Variants in EYS observed in about 807,000 individuals in gnomAD.
The protein encoded by EYS is protein eyes shut homolog.
EYS carries 250 observed loss-of-function variants against 282.1 expected under a neutral mutation model. The ratio of observed to expected loss-of-function variants is 0.89; its 90% CI spans 0.80 to 0.98. The LOEUF (loss-of-function observed/expected upper bound fraction) is 0.98, where lower values mean the gene tolerates loss of function less well. EYS is among the 50% of genes least tolerant of loss of function. The pLI is 0.00. For synonymous variants in EYS, 1,355 were observed against 1,282.9 expected, an observed-to-expected ratio of 1.06 and a Z score of -1.20; for missense variants, 4,016 against 3,709.0, an observed-to-expected ratio of 1.08 and a Z score of -2.15.
chr6:63,878,968 T>C (rs909991492), intron 35 of EYS, among the ~76,000 whole-genome samples: 1 of 152,138 alleles, frequency 6.6e-6, no homozygotes, highest in Non-Finnish European at 1.5e-5. Context: ...CTGTACCCAG[T>C]GTGCAACAAG....
At chr6:64,983,741 T>C (rs558222872) in intron 14 of EYS, among the ~76,000 whole-genome samples, 5 of 151,336 alleles carry the variant, frequency 3.3e-5, no homozygotes, top group Non-Finnish European at 5.9e-5. Flanking sequence ...ATTTTTTTTT[T>C]CTGCTAAGTT....
At chr6:65,214,158 C>CAAAAAAAAAAAAAAAAAAA (rs58213904) in intron 12 of EYS, among the ~76,000 whole-genome samples, 1 of 29,242 alleles carries the variant, frequency 3.4e-5, no homozygotes, top group Non-Finnish European at 5.5e-5. Flanking sequence ...GACTCCGTCT[C>CAAAAAAAAAAAAAAAAAAA]AAAAAAAAAA....
At chr6:64,414,958 C>G (rs1048989779) in intron 28 of EYS, among the ~76,000 whole-genome samples, 5 of 152,026 alleles carry the variant, frequency 3.3e-5, no homozygotes, top group Admixed American at 6.6e-5. Flanking sequence ...AGGTAATTAC[C>G]TTTGAAATAA....
intron 26 of EYS, among the ~76,000 whole-genome samples, chr6:64,549,029 A>C (rs1036230758): frequency 6.6e-6 from 1 of 152,300 alleles, no homozygotes; most frequent in African/African-American, 2.4e-5. Flanking sequence ...TGATTTGAGA[A>C]GCACTCAAAT....
At chr6:65,338,035 A>G (rs1250637088) in intron 10 of EYS, among the ~76,000 whole-genome samples, 2 of 151,200 alleles carry the variant, frequency 1.3e-5, no homozygotes, top group African/African-American at 4.8e-5. Flanking sequence ...CTATACCTCA[A>G]AAACCACATA....
intron 13 of EYS, among the ~76,000 whole-genome samples, chr6:65,008,754 C>T (rs6455022): frequency 0.26 from 39,617 of 152,062 alleles, 6,368 homozygotes; most frequent in African/African-American, 0.44. Context: ...CTGGGGCAAG[C>T]GCCAGCCCAT....
At chr6:65,280,938 A>G (rs1434301595) in intron 12 of EYS, among the ~76,000 whole-genome samples, 2 of 148,422 alleles carry the variant, frequency 1.3e-5, no homozygotes, top group Non-Finnish European at 3.0e-5. Flanking sequence ...TGGGAAGCTG[A>G]GACAGGAGAA....
At chr6:65,059,613 C>T (rs1291091679) in intron 12 of EYS, among the ~76,000 whole-genome samples, 1 of 151,852 alleles carries the variant, frequency 6.6e-6, no homozygotes. Context: ...TATTTATACC[C>T]CAAAGAGGCA....
chr6:64,003,890 C>T (rs144001335), intron 33 of EYS, among the ~76,000 whole-genome samples: 141 of 152,288 alleles, frequency 9.3e-4, no homozygotes, highest in African/African-American at 3.2e-3. Flanking sequence ...CCTGCCATCA[C>T]ATGAAGAAGG....
At chr6:65,287,243 T>G (rs538153022) in intron 12 of EYS, among the ~76,000 whole-genome samples, 5 of 151,556 alleles carry the variant, frequency 3.3e-5, no homozygotes, top group Non-Finnish European at 5.9e-5. Flanking sequence ...ATAATTTTAC[T>G]ACCATTTACT....
intron 22 of EYS, among the ~76,000 whole-genome samples, chr6:64,757,592 T>G (rs1772986159): frequency 6.6e-6 from 1 of 152,200 alleles, no homozygotes; most frequent in Admixed American, 6.5e-5. Context: ...ACCAATGGTT[T>G]TATCCCACTC....
chr6:65,195,011 G>T (rs890117690), intron 12 of EYS, among the ~76,000 whole-genome samples: 2 of 151,890 alleles, frequency 1.3e-5, no homozygotes, highest in African/African-American at 2.4e-5. Context: ...TGATATGAGG[G>T]ATAGTGAAAC....
intron 12 of EYS, among the ~76,000 whole-genome samples, chr6:65,080,505 A>G (rs1447450127): frequency 6.6e-6 from 1 of 152,110 alleles, no homozygotes; most frequent in Non-Finnish European, 1.5e-5. Flanking sequence ...TTTCATGGCT[A>G]AAGAATGAAT....
At chr6:64,169,242 A>T (rs1463183759) in intron 31 of EYS, among the ~76,000 whole-genome samples, 1 of 152,108 alleles carries the variant, frequency 6.6e-6, no homozygotes, top group African/African-American at 2.4e-5. Context: ...CTTATAGAGA[A>T]GTTTCCCAAT....
At chr6:64,143,079 C>A (rs756551056) in intron 31 of EYS, among the ~76,000 whole-genome samples, 3 of 152,182 alleles carry the variant, frequency 2.0e-5, no homozygotes, top group Non-Finnish European at 4.4e-5. Flanking sequence ...AAAAAGGCTA[C>A]ATGCTGTATA....
chr6:64,141,592 A>G (rs1390369075), intron 31 of EYS, among the ~76,000 whole-genome samples: 1 of 152,214 alleles, frequency 6.6e-6, no homozygotes, highest in Non-Finnish European at 1.5e-5. Flanking sequence ...TTTTAATGTA[A>G]TATCTTTATT....
At chr6:65,292,859 G>C (rs1473692912) in intron 12 of EYS, among the ~76,000 whole-genome samples, 4 of 151,700 alleles carry the variant, frequency 2.6e-5, no homozygotes, top group Admixed American at 2.0e-4. Context: ...CCTAAAAATA[G>C]AATAAAGTTG....
intron 5 of EYS, among the ~76,000 whole-genome samples, chr6:65,457,818 A>G (rs146135150): frequency 6.6e-6 from 1 of 152,274 alleles, no homozygotes; most frequent in Non-Finnish European, 1.5e-5. Flanking sequence ...GATGTGTACA[A>G]GTTTGGTACA....
intron 12 of EYS, among the ~76,000 whole-genome samples, chr6:65,122,804 TA>T (rs1561977596): frequency 6.6e-6 from 1 of 152,090 alleles, no homozygotes; most frequent in African/African-American, 2.4e-5. Flanking sequence ...ATATCAATTT[TA>T]GAAATAAAAT....
Sources: gnomAD v4.1 joint callset for allele counts (sites outside exome capture counted in the v4.1 genomes callset) on GRCh38, gnomAD v4.1.1 for gene constraint, MANE v1.5 for transcripts, NCBI Gene and HGNC (gene_info 2026-07-23, HGNC 2026-07-21) for gene names.